The following ARK2N variants were observed in gnomAD, a reference collection of about 807,000 sequenced individuals.
The protein encoded by ARK2N is arkadia (RNF111) N-terminal like PKA signaling regulator 2N, also known as protein ARK2N.
the ARK2N span, among the ~76,000 whole-genome samples, chr18:46,193,759 T>G: frequency 1.3e-5 from 2 of 151,672 alleles, no homozygotes; most frequent in African/African-American, 2.4e-5. Flanking sequence ...CCAACACGCC[T>G]GGCTGATTTT....
chr18:46,254,476 C>G, the ARK2N span, among the ~76,000 whole-genome samples: 1 of 152,272 alleles, frequency 6.6e-6, no homozygotes, highest in East Asian at 1.9e-4. Flanking sequence ...TAGGCCAATT[C>G]TGGCCTGCTG....
the ARK2N span, among the ~76,000 whole-genome samples, chr18:46,256,189 C>T: frequency 1.3e-5 from 2 of 152,152 alleles, no homozygotes; most frequent in African/African-American, 2.4e-5. Context: ...ATTCATTGTA[C>T]TTATGTGTTC....
At chr18:46,237,733 T>G in the ARK2N span, among the ~76,000 whole-genome samples, 1 of 152,148 alleles carries the variant, frequency 6.6e-6, no homozygotes, top group Non-Finnish European at 1.5e-5. Flanking sequence ...TTCCTAATGA[T>G]AGTGTAAAAT....
the ARK2N span, among the ~76,000 whole-genome samples, chr18:46,241,880 G>C: frequency 4.6e-5 from 7 of 151,692 alleles, no homozygotes; most frequent in African/African-American, 1.7e-4. Flanking sequence ...GCAATGGCGC[G>C]ATCTCAGCTC....
the ARK2N span, among the ~76,000 whole-genome samples, chr18:46,180,472 C>T: frequency 6.6e-6 from 1 of 152,100 alleles, no homozygotes; most frequent in Non-Finnish European, 1.5e-5. Flanking sequence ...TTTGGGAGGC[C>T]GAGGCGGGCG....
chr18:46,208,981 G>A, the ARK2N span, among the ~76,000 whole-genome samples: 1 of 152,254 alleles, frequency 6.6e-6, no homozygotes, highest in Non-Finnish European at 1.5e-5. Flanking sequence ...TTTCTGAAGG[G>A]TAGCCAGCAA....
chr18:46,191,991 T>C, the ARK2N span, among the ~76,000 whole-genome samples: 213 of 152,322 alleles, frequency 1.4e-3, 2 homozygotes, highest in East Asian at 3.5e-3. Flanking sequence ...GCTCACTTCT[T>C]CTTATGGATG....
chr18:46,207,388 C>CTTTTTTTTTTTTTTTTTTTTTTTTTTTT, the ARK2N span, among the ~76,000 whole-genome samples: 4 of 115,910 alleles, frequency 3.5e-5, no homozygotes, highest in African/African-American at 1.3e-4. Context: ...AGTTTCTATA[C>CTTTTTTTTTTTTTTTTTTTTTTTTTTTT]TTTTTTTTTT....
the ARK2N span, among the ~76,000 whole-genome samples, chr18:46,256,435 G>A: frequency 6.6e-6 from 1 of 150,922 alleles, no homozygotes; most frequent in Non-Finnish European, 1.5e-5. Context: ...AAATATTTTT[G>A]TATCTGGAGT....
At chr18:46,240,618 G>C in the ARK2N span, among the ~76,000 whole-genome samples, 7 of 152,190 alleles carry the variant, frequency 4.6e-5, no homozygotes, top group African/African-American at 1.7e-4. Flanking sequence ...CGCTGCCGCT[G>C]TTTCTTGTGC....
the ARK2N span, among the ~76,000 whole-genome samples, chr18:46,222,031 C>T: frequency 6.6e-6 from 1 of 152,194 alleles, no homozygotes; most frequent in Admixed American, 6.5e-5. Flanking sequence ...GGGTAAAATA[C>T]ATATGGTTTG....
the ARK2N span, among the ~76,000 whole-genome samples, chr18:46,178,025 C>G: frequency 1.3e-5 from 2 of 152,222 alleles, no homozygotes; most frequent in South Asian, 4.1e-4. Context: ...AACAAGGCCA[C>G]CTGGTGCTTA....
At chr18:46,248,010 G>A in the ARK2N span, among the ~76,000 whole-genome samples, 8 of 152,260 alleles carry the variant, frequency 5.3e-5, no homozygotes, top group Middle Eastern at 3.4e-3. Context: ...ACAGTTTTGA[G>A]GTGGTTTTTC....
At chr18:46,192,087 TTTGCTTCCAGTTGG>T in the ARK2N span, among the ~76,000 whole-genome samples, 1 of 152,230 alleles carries the variant, frequency 6.6e-6, no homozygotes, top group African/African-American at 2.4e-5. Context: ...TGATAGTATG[TTTGCTTCCAGTTGG>T]TTGCTTCCAA....
At chr18:46,190,291 G>A in the ARK2N span, among the ~76,000 whole-genome samples, 1 of 151,848 alleles carries the variant, frequency 6.6e-6, no homozygotes, top group Non-Finnish European at 1.5e-5. Context: ...AGGCCGAGGC[G>A]GGTGGATCAC....
At chr18:46,242,523 G>C in the ARK2N span, among the ~76,000 whole-genome samples, 1 of 152,156 alleles carries the variant, frequency 6.6e-6, no homozygotes, top group African/African-American at 2.4e-5. Flanking sequence ...ATAAAACGTG[G>C]TAAAAGTATG....
the ARK2N span, among the ~76,000 whole-genome samples, chr18:46,253,304 C>G: frequency 6.6e-6 from 1 of 151,912 alleles, no homozygotes; most frequent in Admixed American, 6.6e-5. Context: ...TAGGTGGTTA[C>G]GCAGGTCGTT....
chr18:46,195,502 G>A, the ARK2N span, among the ~76,000 whole-genome samples: 5 of 147,658 alleles, frequency 3.4e-5, no homozygotes, highest in African/African-American at 1.3e-4. Context: ...TCCTGCCTTG[G>A]CCTCCCAAAG....
At chr18:46,214,626 T>C in the ARK2N span, among the ~76,000 whole-genome samples, 1 of 152,204 alleles carries the variant, frequency 6.6e-6, no homozygotes, top group Non-Finnish European at 1.5e-5. Flanking sequence ...AGGTTAAATA[T>C]TATGTCCTGT....
Sources: allele counts gnomAD v4.1 joint callset (sites outside exome capture counted in the v4.1 genomes callset), GRCh38; gene constraint gnomAD v4.1.1; transcripts MANE v1.5; gene names NCBI Gene and HGNC (gene_info 2026-07-23, HGNC 2026-07-21).